Variants in ABCB1 observed in about 807,000 individuals in gnomAD.
The protein encoded by ABCB1 is ATP binding cassette subfamily B member 1.
In ABCB1, 69 loss-of-function variants were observed where a neutral mutation model predicts 142.0. That is an observed-to-expected ratio of 0.49 (90% CI 0.40 to 0.59). The LOEUF (loss-of-function observed/expected upper bound fraction) is 0.59, where lower values mean the gene tolerates loss of function less well. ABCB1 is among the 20% of genes least tolerant of loss of function. ABCB1 has a pLI of 0.00. For missense variants in ABCB1, 1,326 were observed against 1,554.7 expected (o/e 0.85, Z 2.47); for synonymous variants, 532 against 539.2 (o/e 0.99, Z 0.18).
chr7:87,582,827 A>G (rs1424153534), intron 4 of ABCB1, among the ~76,000 whole-genome samples: 3 of 152,190 alleles, frequency 2.0e-5, no homozygotes, highest in African/African-American at 4.8e-5. Flanking sequence ...TTTTTTTTCA[A>G]TGATTTCAAA....
At chr7:87,611,729 ATTTGAG>A (rs1476731164) in intron 1 of ABCB1, among the ~76,000 whole-genome samples, 1 of 152,156 alleles carries the variant, frequency 6.6e-6, no homozygotes, top group Non-Finnish European at 1.5e-5. Flanking sequence ...ATTTATGCAG[ATTTGAG>A]TTTTAGTTTT....
At chr7:87,617,650 A>T (rs1317451287) in intron 1 of ABCB1, among the ~76,000 whole-genome samples, 2 of 152,226 alleles carry the variant, frequency 1.3e-5, no homozygotes, top group African/African-American at 4.8e-5. Context: ...TAGGGAAGCT[A>T]AAGAAATCTT....
chr7:87,697,549 T>A (rs2130676719), intron 1 of ABCB1, among the ~76,000 whole-genome samples: 1 of 152,336 alleles, frequency 6.6e-6, no homozygotes, highest in East Asian at 1.9e-4. Flanking sequence ...TTCTCTAGAT[T>A]CCAAAGCAAG....
At chr7:87,563,469 A>T (rs1221285500) in intron 7 of ABCB1, 5 of 412,048 alleles carry the variant, frequency 1.2e-5, no homozygotes, top group Non-Finnish European at 2.5e-5. Flanking sequence ...ATCTACCATG[A>T]TCAAGTAGGC....
chr7:87,571,412 A>T (rs1818049843), intron 4 of ABCB1, among the ~76,000 whole-genome samples: 1 of 152,194 alleles, frequency 6.6e-6, no homozygotes, highest in African/African-American at 2.4e-5. Context: ...TTTAGCCACC[A>T]GCAATGTATA....
At chr7:87,687,744 A>C (rs188430635) in intron 1 of ABCB1, among the ~76,000 whole-genome samples, 276 of 152,238 alleles carry the variant, frequency 1.8e-3, no homozygotes, top group African/African-American at 6.5e-3. Context: ...GAATTTCTCT[A>C]ATCCAATTGA....
chr7:87,534,748 C>G (rs149399193), intron 20 of ABCB1, among the ~76,000 whole-genome samples: 6 of 151,712 alleles, frequency 4.0e-5, no homozygotes, highest in Non-Finnish European at 8.8e-5. Flanking sequence ...GACCCTGTCT[C>G]TACAAAAAAT....
chr7:87,622,419 T>C (rs1820256621), intron 1 of ABCB1, among the ~76,000 whole-genome samples: 1 of 152,114 alleles, frequency 6.6e-6, no homozygotes, highest in Admixed American at 6.5e-5. Flanking sequence ...AAAAGAACAA[T>C]AGTCCCTAGA....
At position 87,689,992 on chromosome 7, in the gene ABCB1, A is replaced by T. The variant is rs544805364; in HGVS notation, c.-331+23169T>A. On this transcript the variant is annotated intron_variant, in intron 1 of 28. Coordinates refer to the ABCB1 transcript ENST00000265724. ...AAATAGCTGTCATAGATTTTTTTTT[A>T]AAAATTTTTAAATTTTTTATAGAGA... is the stretch of plus-strand genomic sequence containing the variant. 3.6e-3 allele frequency among the ~76,000 whole-genome samples: 543 copies of T among 151,868 alleles called. 1 individual carries two copies. Among genetic ancestry groups the T allele is most frequent in the Non-Finnish European group, 4.6e-3 (315 of 67,922 alleles).
intron 1 of ABCB1, among the ~76,000 whole-genome samples, chr7:87,644,026 T>G (rs1822727453): frequency 6.6e-6 from 1 of 152,162 alleles, no homozygotes; most frequent in Non-Finnish European, 1.5e-5. Flanking sequence ...ACCTGGATAA[T>G]TTTTATATTT....
intron 4 of ABCB1, among the ~76,000 whole-genome samples, chr7:87,583,748 C>A (rs1008304554): frequency 4.6e-5 from 7 of 152,008 alleles, no homozygotes; most frequent in African/African-American, 1.2e-4. Flanking sequence ...GATGATATAA[C>A]AAAATACATA....
chr7:87,586,026 TATC>T (rs1818735994), intron 3 of ABCB1, among the ~76,000 whole-genome samples: 4 of 152,216 alleles, frequency 2.6e-5, no homozygotes, highest in Admixed American at 2.0e-4. Context: ...AGAAGCCACT[TATC>T]ATCTCATGGG....
chr7:87,697,635 G>T lies in ABCB1; in HGVS notation c.-331+15526C>A, dbSNP rs1389970925. ...CAAGGAGAGCTTGGTCCCTGTAACTGCTTGTATGATTACAGTAATAACAGT... is the reference window on the plus strand; with the variant it reads ...CAAGGAGAGCTTGGTCCCTGTAACTTCTTGTATGATTACAGTAATAACAGT... On this transcript the variant is annotated intron_variant, in intron 1 of 28. Transcript: ENST00000265724. 2.0e-5 allele frequency among the ~76,000 whole-genome samples: 3 copies of T among 152,154 alleles called. No individual in the cohort carries two copies. The East Asian group carries it at 5.8e-4, about 29-fold the overall frequency.
chr7:87,676,113 G>T (rs1444610345), intron 1 of ABCB1, among the ~76,000 whole-genome samples: 1 of 152,108 alleles, frequency 6.6e-6, no homozygotes, highest in Non-Finnish European at 1.5e-5. Context: ...TGTAGTCCCA[G>T]CTACTCATAA....
intron 1 of ABCB1, among the ~76,000 whole-genome samples, chr7:87,683,558 G>T (rs1203783639): frequency 1.3e-5 from 2 of 152,200 alleles, no homozygotes; most frequent in African/African-American, 4.8e-5. Flanking sequence ...GAAAGAGAGA[G>T]ATGGGAAATG....
chr7:87,628,949 C>A lies in ABCB1; in HGVS notation c.-330-27871G>T, dbSNP rs376905411. ...GGAACCTGATCACCGTGTGCAGGTA[C>A]GGCAGCGCAGGGCGAGGGGAACCAG... On this transcript the variant is annotated intron_variant, in intron 1 of 28. Transcript: ENST00000265724. The A allele has an allele frequency of 3.9e-5, 51 of 1,309,136 alleles. No homozygotes were observed. In the Admixed American group the frequency reaches 4.9e-4, roughly 13 times the overall value. 81.1% of individuals were successfully genotyped at this position (1,309,136 alleles called of 1,614,324 possible).
chr7:87,519,281 C>T, intron 23 of ABCB1, 45 bp downstream of exon 23: 1 of 1,573,346 alleles, frequency 6.4e-7, no homozygotes, highest in Non-Finnish European at 8.7e-7. Context: ...ATGTTCATCC[C>T]AGCTTTATTT....
chr7:87,563,392 CA>C (rs1336493905), intron 7 of ABCB1: 4 of 454,838 alleles, frequency 8.8e-6, no homozygotes, highest in South Asian at 6.2e-5. Flanking sequence ...CCTTGATGAA[CA>C]AATATGATAC....
At chr7:87,675,653 C>CAAAAAAAAAAAAA (rs200136132) in intron 1 of ABCB1, among the ~76,000 whole-genome samples, 4 of 65,842 alleles carry the variant, frequency 6.1e-5, no homozygotes, top group South Asian at 1.0e-3. Flanking sequence ...TATTCACATG[C>CAAAAAAAAAAAAA]AAAAAAAAAA....
Sources: gnomAD v4.1 joint callset for allele counts (sites outside exome capture counted in the v4.1 genomes callset) on GRCh38, gnomAD v4.1.1 for gene constraint, MANE v1.5 for transcripts, NCBI Gene and HGNC (gene_info 2026-07-23, HGNC 2026-07-21) for gene names.